Variants in ANK1 observed in about 807,000 individuals in gnomAD.
ANK1 encodes ankyrin 1, also known as ankyrin-1.
A neutral mutation model predicts 210.4 loss-of-function variants in ANK1; 51 were observed. The observed-to-expected ratio is 0.24, with a 90% confidence interval of 0.19 to 0.31. The LOEUF is 0.31. Among genes scored for constraint, ANK1 ranks in the 10% least tolerant of loss-of-function variants. The pLI, the probability that ANK1 is intolerant of heterozygous loss-of-function variation, is 1.00. For missense variants in ANK1, 2,051 were observed against 2,504.4 expected (o/e 0.82, Z 3.86); for synonymous variants, 967 against 1,025.9 (o/e 0.94, Z 1.10).
At chr8:41,833,487 C>T (rs1807059632) in intron 1 of ANK1, among the ~76,000 whole-genome samples, 1 of 152,216 alleles carries the variant, frequency 6.6e-6, no homozygotes, top group African/African-American at 2.4e-5. Flanking sequence ...CAGCTGGTCT[C>T]CATCTGCAAG....
chr8:41,718,060 G>A (rs1180492398), intron 11 of ANK1, 46 bp downstream of exon 11: 2 of 1,584,962 alleles, frequency 1.3e-6, no homozygotes, highest in African/African-American at 2.7e-5. Flanking sequence ...GGTGGGTCGG[G>A]GGAGACCACA....
intron 37 of ANK1, among the ~76,000 whole-genome samples, chr8:41,682,762 T>C (rs1002913135): frequency 2.6e-5 from 4 of 152,226 alleles, no homozygotes; most frequent in African/African-American, 9.6e-5. Flanking sequence ...CTGTAGGTGC[T>C]TAATCAGGGC....
chr8:41,695,280 G>C lies in ANK1; in HGVS notation c.3012C>G (p.Arg1004=). ...TTTCGCTCCTCAGAACCACGAGCTCGCGGTCTCCACGGCCATGGGAGGCAA... is the reference window on the plus strand; with the variant it reads ...TTTCGCTCCTCAGAACCACGAGCTCCCGGTCTCCACGGCCATGGGAGGCAA... ...PHFASHGRGD[R]ELVVLRSENG... is the part of the protein sequence containing the mutation. Residue 1004 remains arginine, a synonymous_variant, in exon 27 of 43, where the codon CGC becomes CGG. Coordinates refer to ENST00000289734, the MANE Select transcript of ANK1 (RefSeq NM_000037.4). The C allele has an allele frequency of 6.2e-7, 1 of 1,614,032 alleles. No homozygotes were observed. Among genetic ancestry groups the C allele is most frequent in the Non-Finnish European group, 8.5e-7 (1 of 1,180,020 alleles).
chr8:41,667,332 A>T lies in ANK1; in HGVS notation c.5394+935T>A, dbSNP rs145265362. On this transcript the variant is annotated intron_variant, in intron 39 of 42. Coordinates refer to ENST00000289734, the MANE Select transcript of ANK1 (RefSeq NM_000037.4). ...AGACAAGGAAAGAAAGAGAGGAAGG[A>T]GAGGAGAGGAGGAAGCACCATGCCT... Among the ~76,000 whole-genome samples the T allele has an allele frequency of 5.9e-5, 9 of 152,338 alleles. No individual in the cohort carries two copies. In the East Asian group the frequency reaches 1.7e-3, roughly 29 times the overall value.
At chr8:41,689,420 G>T (rs73617329) in intron 33 of ANK1, among the ~76,000 whole-genome samples, 2 of 151,838 alleles carry the variant, frequency 1.3e-5, no homozygotes, top group African/African-American at 4.8e-5. Context: ...GAGCCTCTGC[G>T]CCCAGCCTGA....
intron 1 of ANK1, among the ~76,000 whole-genome samples, chr8:41,886,012 A>T (rs1162540440): frequency 1.3e-5 from 2 of 152,238 alleles, no homozygotes; most frequent in African/African-American, 2.4e-5. Flanking sequence ...CATTTAAATT[A>T]ATAAATACAA....
intron 1 of ANK1, among the ~76,000 whole-genome samples, chr8:41,767,547 C>A (rs570629441): frequency 6.6e-6 from 1 of 152,196 alleles, no homozygotes; most frequent in African/African-American, 2.4e-5. Context: ...CGCCCGCCAG[C>A]CTGCCGCTAA....
At chr8:41,668,015 G>A (rs1811099773) in intron 39 of ANK1, among the ~76,000 whole-genome samples, 1 of 152,240 alleles carries the variant, frequency 6.6e-6, no homozygotes. Flanking sequence ...CTGAAACTGT[G>A]ATCTTGAGCA....
intron 40 of ANK1, 53 bp downstream of exon 40, chr8:41,663,606 G>T: frequency 6.4e-7 from 1 of 1,553,296 alleles, no homozygotes; most frequent in Non-Finnish European, 8.9e-7. Flanking sequence ...CCACCTTTTA[G>T]CTTCTAGCCC....
intron 1 of ANK1, among the ~76,000 whole-genome samples, chr8:41,809,527 A>G (rs1802149421): frequency 6.6e-6 from 1 of 152,142 alleles, no homozygotes; most frequent in Non-Finnish European, 1.5e-5. Context: ...AGCTACTTTG[A>G]GAGCCAAGGT....
At chr8:41,893,190 C>T (rs1318035555) in intron 1 of ANK1, among the ~76,000 whole-genome samples, 1 of 152,222 alleles carries the variant, frequency 6.6e-6, no homozygotes, top group African/African-American at 2.4e-5. Context: ...GCTCCCCCAG[C>T]CCTCAAAAGC....
At chr8:41,700,331 G>T in intron 22 of ANK1, 1 of 1,307,358 alleles carries the variant, frequency 7.6e-7, no homozygotes, top group Non-Finnish European at 1.1e-6. Flanking sequence ...GCTGTCAGAG[G>T]AAGATGGAAA....
chr8:41,702,113 C>A lies in ANK1; in HGVS notation c.2327G>T (p.Arg776Leu), dbSNP rs183870975. The change falls in exon 21 of 43, where the codon CGC becomes CTC. Residue 776 changes from arginine (R) to leucine (L), a missense_variant. Physicochemically the swap from Arg to Leu is moderately radical, Grantham distance 102 (BLOSUM62 -2). Coordinates refer to ENST00000289734, the MANE Select transcript of ANK1 (RefSeq NM_000037.4). ...DGTTPLAIAK[R>L]LGYISVTDVL... ...GTCGGTGACAGAAATGTAGCCCAAG[C>A]GCTTGGCTATGGCCAGAGGTGTGGT... 3.1e-6 allele frequency: 5 copies of A among 1,614,152 alleles called. No homozygotes were observed. In the Admixed American group the frequency reaches 5.0e-5, roughly 16 times the overall value.
At chr8:41,740,587 T>G (rs1834542459) in intron 2 of ANK1, among the ~76,000 whole-genome samples, 1 of 151,980 alleles carries the variant, frequency 6.6e-6, no homozygotes, top group Admixed American at 6.5e-5. Context: ...TTCCTACCCC[T>G]CCCCTGGCTG....
chr8:41,819,561 G>A (rs1803865073), intron 1 of ANK1, among the ~76,000 whole-genome samples: 1 of 152,204 alleles, frequency 6.6e-6, no homozygotes. Flanking sequence ...GTCAATCTAT[G>A]ATGCCAGGCA....
chr8:41,757,869 G>A (rs752438889), intron 2 of ANK1, among the ~76,000 whole-genome samples, 167 bp downstream of exon 2: 6 of 152,230 alleles, frequency 3.9e-5, no homozygotes, highest in Non-Finnish European at 8.8e-5. Context: ...CCTGGGCCAC[G>A]GCAGGAGTGG....
intron 39 of ANK1, chr8:41,663,996 C>G: frequency 1.6e-6 from 1 of 616,256 alleles, no homozygotes. Flanking sequence ...CACAACACCC[C>G]CTGGGAACCT....
At chr8:41,739,909 C>T (rs1834330136) in intron 2 of ANK1, among the ~76,000 whole-genome samples, 1 of 152,108 alleles carries the variant, frequency 6.6e-6, no homozygotes, top group Non-Finnish European at 1.5e-5. Flanking sequence ...CCAGCAGTGG[C>T]CTGCTCTTCC....
At chr8:41,754,875 G>A (rs774002768) in intron 2 of ANK1, among the ~76,000 whole-genome samples, 3 of 152,190 alleles carry the variant, frequency 2.0e-5, no homozygotes, top group Non-Finnish European at 2.9e-5. Context: ...CTTTCCAGGC[G>A]CAGCCACCTG....
Sources: gnomAD v4.1 joint callset for allele counts (sites outside exome capture counted in the v4.1 genomes callset) on GRCh38, gnomAD v4.1.1 for gene constraint, MANE v1.5 for transcripts, NCBI Gene and HGNC (gene_info 2026-07-23, HGNC 2026-07-21) for gene names.